EYS: variants seen among roughly 807,000 people sequenced by gnomAD.
The protein encoded by EYS is EGF-like photoreceptor maintenance factor.
EYS carries 250 observed loss-of-function variants against 282.1 expected under a neutral mutation model. The observed-to-expected ratio is 0.89, with a 90% CI of 0.80 to 0.98. The LOEUF (loss-of-function observed/expected upper bound fraction) is 0.98, where lower values mean the gene tolerates loss of function less well. Ranked by LOEUF, EYS falls within the 50% of genes least tolerant of loss-of-function variation. The probability of loss-of-function intolerance (pLI) is 0.00; values close to 1 mark genes in which losing one functional copy is unlikely to be tolerated. For synonymous variants in EYS, 1,355 were observed against 1,282.9 expected, an observed-to-expected ratio of 1.06 and a Z score of -1.20; for missense variants, 4,016 against 3,709.0, an observed-to-expected ratio of 1.08 and a Z score of -2.15.
chr6:64,155,479 T>C (rs1379372498), intron 31 of EYS, among the ~76,000 whole-genome samples: 1 of 151,620 alleles, frequency 6.6e-6, no homozygotes, highest in Non-Finnish European at 1.5e-5. Flanking sequence ...GACCCAGCTC[T>C]GTTTTCAAGC....
intron 26 of EYS, among the ~76,000 whole-genome samples, chr6:64,523,292 C>A (rs941204237): frequency 2.6e-5 from 4 of 151,674 alleles, no homozygotes; most frequent in Non-Finnish European, 3.0e-5. Flanking sequence ...ATTTATGTCG[C>A]CTTTCTTCTT....
chr6:64,965,061 A>C (rs1218966676), intron 14 of EYS, among the ~76,000 whole-genome samples: 2 of 152,134 alleles, frequency 1.3e-5, no homozygotes, highest in African/African-American at 4.8e-5. Flanking sequence ...AATTTTATAT[A>C]AAACAATTTA....
At chr6:64,363,378 T>C (rs913604545) in intron 29 of EYS, among the ~76,000 whole-genome samples, 1 of 151,946 alleles carries the variant, frequency 6.6e-6, no homozygotes, top group Non-Finnish European at 1.5e-5. Context: ...TGCACACTGA[T>C]GTTAAGCTGA....
At chr6:64,640,226 C>T (rs1247966757) in intron 22 of EYS, among the ~76,000 whole-genome samples, 1 of 144,046 alleles carries the variant, frequency 6.9e-6, no homozygotes, top group Non-Finnish European at 1.5e-5. Context: ...TGGGTATATA[C>T]CCAAAGGACT....
chr6:64,214,071 C>T (rs6454725), intron 31 of EYS, among the ~76,000 whole-genome samples: 151,471 of 152,264 alleles, frequency 0.99, 75,347 homozygotes, highest in East Asian at 1. Flanking sequence ...ATCAACTTAA[C>T]GTGAAAATGT....
At chr6:64,758,542 C>T (rs556280864) in intron 22 of EYS, among the ~76,000 whole-genome samples, 2 of 152,180 alleles carry the variant, frequency 1.3e-5, no homozygotes, top group Admixed American at 1.3e-4. Flanking sequence ...GCACCCAGTC[C>T]ATGCTACAAT....
chr6:64,414,815 G>A (rs886361913), intron 28 of EYS, among the ~76,000 whole-genome samples: 5 of 152,100 alleles, frequency 3.3e-5, no homozygotes, highest in Non-Finnish European at 5.9e-5. Flanking sequence ...GTTGATGTAA[G>A]ATAGGTAAAT....
intron 36 of EYS, among the ~76,000 whole-genome samples, chr6:63,826,846 A>AAAAAAAAAAAAAAAAAAGAAAAAAAC (rs1771479190): frequency 7.6e-4 from 2 of 2,616 alleles, no homozygotes; most frequent in Non-Finnish European, 1.6e-3. Flanking sequence ...GTTAAAAAGC[A>AAAAAAAAAAAAAAAAAAGAAAAAAAC]AAAAAAAAAA....
chr6:63,734,345 A>T (rs1401454246), intron 41 of EYS, among the ~76,000 whole-genome samples: 1 of 152,232 alleles, frequency 6.6e-6, no homozygotes, highest in Non-Finnish European at 1.5e-5. Context: ...TATTATGGCT[A>T]TTACATCCAT....
chr6:64,441,373 T>C (rs1158954645), intron 26 of EYS, among the ~76,000 whole-genome samples: 1 of 152,136 alleles, frequency 6.6e-6, no homozygotes, highest in Non-Finnish European at 1.5e-5. Context: ...AGATCAGCTG[T>C]AGACAAGAAC....
chr6:64,488,727 G>A (rs1167050443), intron 26 of EYS, among the ~76,000 whole-genome samples: 1 of 151,068 alleles, frequency 6.6e-6, no homozygotes, highest in Non-Finnish European at 1.5e-5. Flanking sequence ...AGTAAACGTA[G>A]CAGAGGCAAC....
At chr6:64,621,093 C>T (rs1767433762) in intron 23 of EYS, among the ~76,000 whole-genome samples, 1 of 152,030 alleles carries the variant, frequency 6.6e-6, no homozygotes, top group African/African-American at 2.4e-5. Context: ...TTCACTGCAA[C>T]CTTAAACTCC....
intron 30 of EYS, among the ~76,000 whole-genome samples, chr6:64,305,716 T>A (rs1769416931): frequency 6.6e-6 from 1 of 152,138 alleles, no homozygotes; most frequent in Admixed American, 6.5e-5. Flanking sequence ...GACCCTTACC[T>A]AACACCATAT....
chr6:64,106,666 T>C (rs1773023381), intron 31 of EYS, among the ~76,000 whole-genome samples: 1 of 151,760 alleles, frequency 6.6e-6, no homozygotes, highest in Non-Finnish European at 1.5e-5. Context: ...GTTTTTGGCA[T>C]TTATCGTGCT....
intron 31 of EYS, among the ~76,000 whole-genome samples, chr6:64,168,992 A>T (rs1265825492): frequency 2.0e-5 from 3 of 152,238 alleles, no homozygotes; most frequent in Non-Finnish European, 2.9e-5. Flanking sequence ...AAGAAAATTT[A>T]ACATTTCTAG....
At chr6:64,208,197 T>C (rs1765665654) in intron 31 of EYS, among the ~76,000 whole-genome samples, 1 of 152,226 alleles carries the variant, frequency 6.6e-6, no homozygotes, top group Admixed American at 6.5e-5. Context: ...GAGAATTCTG[T>C]GTCATTCCTG....
intron 35 of EYS, among the ~76,000 whole-genome samples, chr6:63,938,451 T>A (rs964548515): frequency 1.3e-5 from 2 of 152,214 alleles, no homozygotes; most frequent in Non-Finnish European, 2.9e-5. Context: ...CATTTAAAGA[T>A]AACATTGGTC....
chr6:63,861,045 TGCTTCAG>T (rs1220306868), intron 36 of EYS, among the ~76,000 whole-genome samples: 2 of 152,230 alleles, frequency 1.3e-5, no homozygotes, highest in African/African-American at 2.4e-5. Context: ...GTCCTTATCT[TGCTTCAG>T]AGCACCAGCA....
chr6:65,503,652 C>A (rs1049932657), intron 2 of EYS, among the ~76,000 whole-genome samples: 9 of 151,502 alleles, frequency 5.9e-5, no homozygotes, highest in Non-Finnish European at 1.0e-4. Context: ...AATTCAATGC[C>A]TATGTTCATT....
Sources: gnomAD v4.1 joint callset for allele counts (sites outside exome capture counted in the v4.1 genomes callset) on GRCh38, gnomAD v4.1.1 for gene constraint, MANE v1.5 for transcripts, NCBI Gene and HGNC (gene_info 2026-07-23, HGNC 2026-07-21) for gene names.